Variants in DAPK1 observed in about 807,000 individuals in gnomAD.
The protein encoded by DAPK1 is death associated protein kinase 1, also known as death-associated protein kinase 1.
A neutral mutation model predicts 144.9 loss-of-function variants in DAPK1; 56 were observed. That is an observed-to-expected ratio of 0.39 (90% CI 0.31 to 0.48). The LOEUF is 0.48. Ranked by LOEUF, DAPK1 falls within the 20% of genes least tolerant of loss-of-function variation. The probability of loss-of-function intolerance (pLI) is 0.95; values close to 1 mark genes in which losing one functional copy is unlikely to be tolerated. For missense variants in DAPK1, 1,454 were observed against 1,875.4 expected, an observed-to-expected ratio of 0.78 and a Z score of 4.15; for synonymous variants, 690 against 749.0, an observed-to-expected ratio of 0.92 and a Z score of 1.29.
At chr9:87,644,314 G>T (rs1217973466) in intron 11 of DAPK1, among the ~76,000 whole-genome samples, 3 of 152,006 alleles carry the variant, frequency 2.0e-5, no homozygotes, top group Non-Finnish European at 4.4e-5. Context: ...TCAAACAACG[G>T]GGCTTTGTTA....
intron 2 of DAPK1, among the ~76,000 whole-genome samples, chr9:87,527,248 A>G (rs1449358219): frequency 6.6e-6 from 1 of 152,196 alleles, no homozygotes; most frequent in Non-Finnish European, 1.5e-5. Context: ...GCTCTTGAGC[A>G]TTGTACGTCC....
intron 19 of DAPK1, 43 bp downstream of exon 19, chr9:87,668,717 T>G (rs1831148005): frequency 1.1e-6 from 1 of 908,136 alleles, no homozygotes; most frequent in South Asian, 1.3e-5. Flanking sequence ...TACCTGTGTT[T>G]ATGTGAAAAA....
intron 3 of DAPK1, among the ~76,000 whole-genome samples, chr9:87,635,075 C>T: frequency 6.6e-6 from 1 of 152,088 alleles, no homozygotes; most frequent in East Asian, 1.9e-4. Flanking sequence ...GGATTTGAAC[C>T]ATGGTCCCCT....
At chr9:87,633,079 ATATG>A (rs1829767985) in intron 3 of DAPK1, 13 of 980,088 alleles carry the variant, frequency 1.3e-5, no homozygotes, top group Non-Finnish European at 1.6e-5. Flanking sequence ...AGATGAATAT[ATATG>A]TAGGAATGAA....
At chr9:87,666,756 G>A (rs1034537504) in intron 18 of DAPK1, among the ~76,000 whole-genome samples, 6 of 152,144 alleles carry the variant, frequency 3.9e-5, no homozygotes, top group Non-Finnish European at 7.3e-5. Flanking sequence ...TTACAGGCAT[G>A]AGCCACCATG....
At chr9:87,670,508 C>T (rs1038341183) in intron 19 of DAPK1, among the ~76,000 whole-genome samples, 1 of 152,176 alleles carries the variant, frequency 6.6e-6, no homozygotes, top group East Asian at 1.9e-4. Flanking sequence ...TTCGACAGGC[C>T]TCATAGCTTT....
chr9:87,639,636 T>G lies in DAPK1; in HGVS notation c.554-14T>G. ...GCTTCCTCCCAAGCTAAATGAGTGT[T>G]TGTTTCCTCTTAGCTCCTGAGATAG... On this transcript the variant is annotated splice_polypyrimidine_tract_variant and intron_variant, in intron 5 of 25. Coordinates refer to ENST00000408954, the MANE Select transcript of DAPK1 (RefSeq NM_004938.4). 6.2e-7 allele frequency: 1 copy of G among 1,614,088 alleles called. No homozygotes were observed.
At chr9:87,623,826 C>T (rs1229377106) in intron 3 of DAPK1, among the ~76,000 whole-genome samples, 1 of 152,086 alleles carries the variant, frequency 6.6e-6, no homozygotes, top group Non-Finnish European at 1.5e-5. Context: ...AAACATCCAC[C>T]TCTGTAGAAA....
intron 18 of DAPK1, among the ~76,000 whole-genome samples, chr9:87,661,129 C>T (rs554628899): frequency 1.3e-3 from 193 of 152,316 alleles, no homozygotes; most frequent in African/African-American, 4.5e-3. Flanking sequence ...TGAGCCACCA[C>T]GCCCAGGCTG....
intron 2 of DAPK1, among the ~76,000 whole-genome samples, chr9:87,588,947 G>A (rs1430161974): frequency 6.6e-6 from 1 of 151,818 alleles, no homozygotes; most frequent in Non-Finnish European, 1.5e-5. Flanking sequence ...GGAGTGCGGT[G>A]GTGCAATCTC....
intron 17 of DAPK1, among the ~76,000 whole-genome samples, chr9:87,655,978 T>A (rs1432918850): frequency 6.6e-6 from 1 of 152,238 alleles, no homozygotes; most frequent in African/African-American, 2.4e-5. Context: ...GGCTTTGCCC[T>A]CAGGCTACTT....
chr9:87,688,031 G>C (rs1824926786), intron 21 of DAPK1, among the ~76,000 whole-genome samples: 1 of 152,086 alleles, frequency 6.6e-6, no homozygotes, highest in African/African-American at 2.4e-5. Context: ...GGGTCCCTGT[G>C]CAGATTTGTT....
intron 2 of DAPK1, among the ~76,000 whole-genome samples, chr9:87,570,185 A>G (rs748858637): frequency 3.9e-5 from 6 of 152,152 alleles, no homozygotes; most frequent in Non-Finnish European, 8.8e-5. Context: ...TGCTGATCAA[A>G]TATTACTAAA....
intron 2 of DAPK1, among the ~76,000 whole-genome samples, chr9:87,592,980 A>G (rs1828189228): frequency 6.6e-6 from 1 of 152,136 alleles, no homozygotes; most frequent in African/African-American, 2.4e-5. Context: ...TGTAGACATC[A>G]TGGGAAATGG....
chr9:87,509,234 T>C (rs1306021699), intron 2 of DAPK1, among the ~76,000 whole-genome samples: 1 of 152,202 alleles, frequency 6.6e-6, no homozygotes, highest in Admixed American at 6.5e-5. Flanking sequence ...GAATGGTATA[T>C]AATACACAGA....
At chr9:87,605,899 C>T (rs1828698377) in intron 3 of DAPK1, among the ~76,000 whole-genome samples, 1 of 152,130 alleles carries the variant, frequency 6.6e-6, no homozygotes, top group South Asian at 2.1e-4. Flanking sequence ...CGAGAGAGGA[C>T]AGGAAGCCAG....
chr9:87,505,601 T>G (rs1027754726), intron 2 of DAPK1, among the ~76,000 whole-genome samples: 4 of 152,188 alleles, frequency 2.6e-5, no homozygotes, highest in African/African-American at 9.7e-5. Context: ...TTCACCATCT[T>G]GGCCAGGCTG....
At chr9:87,568,678 G>A (rs565891218) in intron 2 of DAPK1, among the ~76,000 whole-genome samples, 3 of 152,122 alleles carry the variant, frequency 2.0e-5, no homozygotes, top group South Asian at 4.1e-4. Context: ...GATATGGAAG[G>A]GGAAGGCTGT....
At chr9:87,532,228 G>A (rs73654307) in intron 2 of DAPK1, among the ~76,000 whole-genome samples, 3,021 of 152,242 alleles carry the variant, frequency 0.02, 116 homozygotes, top group African/African-American at 0.069. Flanking sequence ...GCTAAGAATT[G>A]TTTTTACATT....
Sources: allele counts gnomAD v4.1 joint callset (sites outside exome capture counted in the v4.1 genomes callset), GRCh38; gene constraint gnomAD v4.1.1; transcripts MANE v1.5; gene names NCBI Gene and HGNC (gene_info 2026-07-23, HGNC 2026-07-21).